Variants in LINGO2 observed in about 807,000 individuals in gnomAD.
LINGO2 encodes leucine rich repeat and Ig domain containing 2.
A neutral mutation model predicts 30.6 loss-of-function variants in LINGO2; 14 were observed. The observed-to-expected ratio is 0.46, with a 90% CI of 0.30 to 0.72. The LOEUF (loss-of-function observed/expected upper bound fraction) is 0.72. Among genes scored for constraint, LINGO2 ranks in the 30% least tolerant of loss-of-function variants. LINGO2 has a pLI of 0.07. For missense variants in LINGO2, 729 were observed against 751.7 expected (o/e 0.97, Z 0.35); for synonymous variants, 317 against 288.5 (o/e 1.10, Z -1.00).
At chr9:28,517,729 C>A (rs1245177223) in intron 1 of LINGO2, among the ~76,000 whole-genome samples, 1 of 152,102 alleles carries the variant, frequency 6.6e-6, no homozygotes, top group South Asian at 2.1e-4. Context: ...TTTCAAGCAA[C>A]ATTAGTACTT....
chr9:28,988,665 G>A, the LINGO2 span, among the ~76,000 whole-genome samples: 8 of 152,048 alleles, frequency 5.3e-5, no homozygotes, highest in South Asian at 2.1e-4. Flanking sequence ...AGACCAACAC[G>A]GGCTTCTTGG....
intron 4 of LINGO2, among the ~76,000 whole-genome samples, chr9:28,246,135 A>G (rs1252502766): frequency 6.6e-6 from 1 of 152,074 alleles, no homozygotes; most frequent in Non-Finnish European, 1.5e-5. Context: ...CCTCAGAAAT[A>G]AGACCACATG....
chr9:29,041,929 A>T, the LINGO2 span, among the ~76,000 whole-genome samples: 1 of 152,060 alleles, frequency 6.6e-6, no homozygotes, highest in African/African-American at 2.4e-5. Flanking sequence ...TAGAATATAT[A>T]AAGAACTTTA....
the LINGO2 span, among the ~76,000 whole-genome samples, chr9:28,951,666 T>C: frequency 8.3e-3 from 1,270 of 152,194 alleles, 11 homozygotes; most frequent in African/African-American, 0.029. Context: ...GCAACACTTC[T>C]GAGAAGTGTG....
the LINGO2 span, among the ~76,000 whole-genome samples, chr9:28,924,789 A>G: frequency 0.9 from 136,374 of 152,232 alleles, 61,371 homozygotes; most frequent in Non-Finnish European, 0.94. Context: ...GTCCGATGTC[A>G]GGTGCCTATA....
chr9:28,171,694 A>T (rs995223842), intron 4 of LINGO2, among the ~76,000 whole-genome samples: 1 of 152,008 alleles, frequency 6.6e-6, no homozygotes, highest in African/African-American at 2.4e-5. Context: ...GGGCCTCTGG[A>T]TCCTGGCTGA....
At chr9:28,638,195 T>C (rs1218243285) in intron 1 of LINGO2, among the ~76,000 whole-genome samples, 1 of 152,176 alleles carries the variant, frequency 6.6e-6, no homozygotes, top group Non-Finnish European at 1.5e-5. Flanking sequence ...TGGATAAGTT[T>C]TGATGTGCTG....
intron 4 of LINGO2, among the ~76,000 whole-genome samples, chr9:28,156,534 T>C (rs964407154): frequency 5.9e-5 from 9 of 152,194 alleles, no homozygotes; most frequent in Non-Finnish European, 1.2e-4. Flanking sequence ...AAATAAGATG[T>C]CTCTAAAATC....
intron 1 of LINGO2, among the ~76,000 whole-genome samples, chr9:28,635,356 A>T (rs1322509661): frequency 6.6e-6 from 1 of 152,200 alleles, no homozygotes; most frequent in Non-Finnish European, 1.5e-5. Flanking sequence ...CTGAAACAAT[A>T]TGATATTTGA....
the LINGO2 span, among the ~76,000 whole-genome samples, chr9:28,760,835 T>C: frequency 9.9e-5 from 15 of 151,996 alleles, no homozygotes; most frequent in Admixed American, 9.2e-4. Flanking sequence ...CTGTTAATTC[T>C]TTCCTTTTTA....
chr9:28,930,162 C>G, the LINGO2 span, among the ~76,000 whole-genome samples: 1 of 152,124 alleles, frequency 6.6e-6, no homozygotes, highest in Admixed American at 6.5e-5. This position sits in a 1 kb window ranked among gnomAD's most constrained non-coding sequence, Gnocchi z 4.2. Flanking sequence ...TAAGCACACA[C>G]TGTTCTTTGC....
At position 27,949,129 on chromosome 9, in the gene LINGO2, G is replaced by A. The variant is rs1335475723; in HGVS notation, c.1543C>T (p.Pro515Ser). 8 of 1,614,130 alleles carry A rather than the reference G, an allele frequency of 5.0e-6. No homozygotes were observed. The East Asian group carries it at 1.1e-4, about 22-fold the overall frequency. The change falls in exon 6 of 6, where the codon CCT becomes TCT. Residue 515 changes from proline to serine, a missense_variant. Pro to Ser is a moderately conservative substitution (Grantham distance 74). Coordinates refer to ENST00000379992, the Ensembl canonical transcript of LINGO2. ...TCATTGGAGTCGGTCATGTACATAG[G>A]GGTCCTGTTCGCATAAAGAAAACGA...
At chr9:28,640,168 T>C (rs1827501766) in intron 1 of LINGO2, among the ~76,000 whole-genome samples, 1 of 152,172 alleles carries the variant, frequency 6.6e-6, no homozygotes, top group Non-Finnish European at 1.5e-5. Context: ...TTCTGGCTTG[T>C]AGAGTTTCTG....
chr9:28,570,532 T>C (rs1445327854), intron 1 of LINGO2, among the ~76,000 whole-genome samples: 1 of 151,868 alleles, frequency 6.6e-6, no homozygotes, highest in African/African-American at 2.4e-5. Flanking sequence ...TTTCTGGATA[T>C]TTGTTTGTTA....
At chr9:29,061,787 A>T in the LINGO2 span, among the ~76,000 whole-genome samples, 1 of 152,070 alleles carries the variant, frequency 6.6e-6, no homozygotes, top group Non-Finnish European at 1.5e-5. Context: ...CTTGGATATG[A>T]CACCAAAAGC....
chr9:28,497,663 A>C, intron 1 of LINGO2, among the ~76,000 whole-genome samples: 1 of 152,164 alleles, frequency 6.6e-6, no homozygotes, highest in East Asian at 1.9e-4. Context: ...TCAACTCATC[A>C]AAGTCATTCT....
the LINGO2 span, among the ~76,000 whole-genome samples, chr9:28,878,152 G>T: frequency 5.9e-4 from 87 of 146,544 alleles, no homozygotes; most frequent in Non-Finnish European, 6.1e-4. Flanking sequence ...ATGATAAAGG[G>T]GATATCACCA....
intron 4 of LINGO2, among the ~76,000 whole-genome samples, chr9:28,036,231 C>T (rs10968296): frequency 0.038 from 5,770 of 152,220 alleles, 150 homozygotes; most frequent in South Asian, 0.067. Flanking sequence ...ACAAACAGCC[C>T]ATCATCATGT....
intron 1 of LINGO2, among the ~76,000 whole-genome samples, chr9:28,570,608 CA>C (rs5897307): frequency 1.7e-4 from 25 of 142,886 alleles, no homozygotes; most frequent in South Asian, 4.4e-4. Context: ...AAACAGTTTG[CA>C]AAAAAAAAAA....
Sources: allele counts gnomAD v4.1 joint callset (sites outside exome capture counted in the v4.1 genomes callset), GRCh38; gene constraint gnomAD v4.1.1; non-coding constraint Gnocchi (gnomAD v3.1); transcripts MANE v1.5; gene names NCBI Gene and HGNC (gene_info 2026-07-23, HGNC 2026-07-21).